Variants in KCNQ5 observed in about 807,000 individuals in gnomAD.
KCNQ5 encodes potassium voltage-gated channel subfamily KQT member 5.
In KCNQ5, 30 loss-of-function variants were observed where a neutral mutation model predicts 98.2. That is an observed-to-expected ratio of 0.31 (90% CI 0.23 to 0.41). KCNQ5 has a LOEUF of 0.41. Among genes scored for constraint, KCNQ5 ranks in the 10% least tolerant of loss-of-function variants. The pLI is 1.00. For missense variants in KCNQ5, 835 were observed against 1,182.5 expected (o/e 0.71, Z 4.31); for synonymous variants, 458 against 449.4 (o/e 1.02, Z -0.24).
At chr6:72,754,354 C>A (rs1401592616) in intron 1 of KCNQ5, among the ~76,000 whole-genome samples, 1 of 152,082 alleles carries the variant, frequency 6.6e-6, no homozygotes, top group African/African-American at 2.4e-5. Context: ...GATAAGCTCA[C>A]TTGGTCATGA....
chr6:73,117,231 G>T (rs999709432), intron 7 of KCNQ5, among the ~76,000 whole-genome samples: 13 of 152,222 alleles, frequency 8.5e-5, no homozygotes, highest in African/African-American at 3.1e-4. Context: ...TGGGTTCAAA[G>T]TTCAGCTACT....
chr6:73,121,860 A>G (rs1775765432), intron 8 of KCNQ5, among the ~76,000 whole-genome samples: 1 of 152,196 alleles, frequency 6.6e-6, no homozygotes, highest in Non-Finnish European at 1.5e-5. Flanking sequence ...GAGTTGGGCA[A>G]GATGATTCCT....
At chr6:72,829,575 C>T (rs577010054) in intron 1 of KCNQ5, among the ~76,000 whole-genome samples, 9 of 152,136 alleles carry the variant, frequency 5.9e-5, no homozygotes, top group Non-Finnish European at 8.8e-5. Flanking sequence ...AGGCACAGTG[C>T]GAATAACTCT....
chr6:72,683,492 C>A (rs971454891), intron 1 of KCNQ5, among the ~76,000 whole-genome samples: 3 of 151,532 alleles, frequency 2.0e-5, no homozygotes, highest in Non-Finnish European at 4.4e-5. Flanking sequence ...CTCAGCCTTC[C>A]GAGTAGCTGG....
At chr6:72,772,235 G>A (rs539190649) in intron 1 of KCNQ5, among the ~76,000 whole-genome samples, 1 of 151,920 alleles carries the variant, frequency 6.6e-6, no homozygotes, top group Non-Finnish European at 1.5e-5. Context: ...AGAATACATC[G>A]ATGCAAAAGA....
In KCNQ5 at chr6:73,198,387, G is replaced by A. The variant is rs1349620978; in HGVS notation, c.*2973G>A. 2 of 152,188 alleles carry A rather than the reference G, an allele frequency of 1.3e-5. No individual in the cohort carries two copies. The highest frequency in any genetic ancestry group is 2.9e-5 in the Non-Finnish European group (2 of 68,032). The allele number at this position is 152,188 out of a possible 1,614,324, so 9.4% of individuals were successfully genotyped here. A position where few individuals can be genotyped will look rare whatever the true frequency, so the allele number is the denominator to read the frequency against. On this transcript the variant is annotated 3_prime_UTR_variant, in exon 14 of 14. Coordinates refer to ENST00000370398, the MANE Select transcript of KCNQ5 (RefSeq NM_019842.4). ...TTTAAGTCCTGATCTGTTCTAAGGT[G>A]CCTTTCTCACCTCCCATTGATTCAG...
At chr6:73,087,881 C>T (rs929171895) in intron 5 of KCNQ5, among the ~76,000 whole-genome samples, 1 of 152,082 alleles carries the variant, frequency 6.6e-6, no homozygotes, top group Non-Finnish European at 1.5e-5. Flanking sequence ...CTGAATTGTT[C>T]CCCCTCTTTC....
At chr6:73,126,851 C>A (rs1345705367) in intron 9 of KCNQ5, among the ~76,000 whole-genome samples, 1 of 152,018 alleles carries the variant, frequency 6.6e-6, no homozygotes, top group Admixed American at 6.5e-5. Flanking sequence ...AGAATGTGCT[C>A]AATAAATAAT....
chr6:73,148,013 T>A (rs1776990751), intron 10 of KCNQ5, among the ~76,000 whole-genome samples: 1 of 152,142 alleles, frequency 6.6e-6, no homozygotes, highest in African/African-American at 2.4e-5. Flanking sequence ...ATAAAGATAG[T>A]ATATATAACA....
In KCNQ5 at chr6:72,948,060, G is replaced by A. The variant is rs569737970; in HGVS notation, c.399-55848G>A. On this transcript the variant is annotated intron_variant, in intron 1 of 13. Coordinates refer to ENST00000370398, the MANE Select transcript of KCNQ5 (RefSeq NM_019842.4). ...CCAGAACAACAAGAAATCAATTAAC[G>A]TAGCACCACATCAGTTTAAAAAGCA... Among the ~76,000 whole-genome samples, 8 of 152,128 alleles carry A rather than the reference G, an allele frequency of 5.3e-5. No homozygotes were observed. In the East Asian group the frequency reaches 7.7e-4, roughly 15 times the overall value.
At chr6:72,718,348 A>C (rs1233784523) in intron 1 of KCNQ5, among the ~76,000 whole-genome samples, 1 of 150,868 alleles carries the variant, frequency 6.6e-6, no homozygotes, top group African/African-American at 2.4e-5. Flanking sequence ...TTCCACCTGC[A>C]GTTGGTGGCA....
chr6:72,912,966 T>C (rs1779998826), intron 1 of KCNQ5, among the ~76,000 whole-genome samples: 1 of 152,242 alleles, frequency 6.6e-6, no homozygotes, highest in Non-Finnish European at 1.5e-5. Context: ...CTAGTCTTAA[T>C]ACTTGGGTTA....
At chr6:72,928,945 A>T (rs1765562910) in intron 1 of KCNQ5, among the ~76,000 whole-genome samples, 1 of 152,132 alleles carries the variant, frequency 6.6e-6, no homozygotes, top group Non-Finnish European at 1.5e-5. Context: ...GATAAGTAAG[A>T]CTTGGTCCCT....
intron 1 of KCNQ5, among the ~76,000 whole-genome samples, chr6:72,698,969 T>G (rs1565086901): frequency 6.6e-6 from 1 of 152,144 alleles, no homozygotes; most frequent in Non-Finnish European, 1.5e-5. Context: ...GACTTAAGTT[T>G]TCTTAAGGAT....
At chr6:72,983,051 G>A (rs536463377) in intron 1 of KCNQ5, among the ~76,000 whole-genome samples, 36 of 152,328 alleles carry the variant, frequency 2.4e-4, no homozygotes, top group Non-Finnish European at 4.9e-4. Context: ...CTGTTAGTCT[G>A]ATGGGCTTCC....
At chr6:72,672,731 T>TA (rs1253650106) in intron 1 of KCNQ5, among the ~76,000 whole-genome samples, 1 of 152,188 alleles carries the variant, frequency 6.6e-6, no homozygotes. Flanking sequence ...AAGGACTTTG[T>TA]AAAGTATTGA....
intron 11 of KCNQ5, among the ~76,000 whole-genome samples, chr6:73,188,113 A>T (rs1185191825): frequency 1.3e-5 from 2 of 152,216 alleles, no homozygotes; most frequent in Non-Finnish European, 2.9e-5. Context: ...ACTGCCAAAG[A>T]TCCCACTCAG....
intron 1 of KCNQ5, among the ~76,000 whole-genome samples, chr6:72,866,091 A>C (rs1777966876): frequency 6.6e-6 from 1 of 152,168 alleles, no homozygotes; most frequent in South Asian, 2.1e-4. Flanking sequence ...GACTTAAGTA[A>C]AAGTAAAATA....
intron 10 of KCNQ5, among the ~76,000 whole-genome samples, chr6:73,149,680 C>G (rs1562207240): frequency 6.6e-6 from 1 of 151,912 alleles, no homozygotes; most frequent in South Asian, 2.1e-4. Flanking sequence ...GCCTGTAATC[C>G]CCGCTACTCA....
Sources: allele counts gnomAD v4.1 joint callset (sites outside exome capture counted in the v4.1 genomes callset), GRCh38; gene constraint gnomAD v4.1.1; transcripts MANE v1.5; gene names NCBI Gene and HGNC (gene_info 2026-07-23, HGNC 2026-07-21).